Variants in ANKRD55 observed in about 807,000 individuals in gnomAD.
ANKRD55 encodes ankyrin repeat domain-containing protein 55.
In ANKRD55, 41 loss-of-function variants were observed where a neutral mutation model predicts 60.6. That is an observed-to-expected ratio of 0.68 (90% confidence interval 0.53 to 0.88). The LOEUF is 0.88. Ranked by LOEUF, ANKRD55 falls within the 40% of genes least tolerant of loss-of-function variation. ANKRD55 has a pLI of 0.00. For missense variants in ANKRD55, 732 were observed against 767.6 expected, an observed-to-expected ratio of 0.95 and a Z score of 0.55; for synonymous variants, 264 against 290.3, an observed-to-expected ratio of 0.91 and a Z score of 0.92.
chr5:56,217,760 G>A (rs1759852664), intron 2 of ANKRD55, among the ~76,000 whole-genome samples: 1 of 152,092 alleles, frequency 6.6e-6, no homozygotes, highest in African/African-American at 2.4e-5. Context: ...GCCGGGCGTG[G>A]TGGGGGGCAC....
At chr5:56,205,486 C>T (rs1759479143) in intron 2 of ANKRD55, among the ~76,000 whole-genome samples, 2 of 152,234 alleles carry the variant, frequency 1.3e-5, no homozygotes, top group Admixed American at 1.3e-4. Context: ...AGCTAGTGCG[C>T]TCCTTATCAC....
At chr5:56,118,333 C>A (rs894931455) in intron 8 of ANKRD55, among the ~76,000 whole-genome samples, 7 of 152,020 alleles carry the variant, frequency 4.6e-5, no homozygotes, top group African/African-American at 1.7e-4. Flanking sequence ...TATATAAAAT[C>A]TTTCAGAACT....
chr5:56,190,928 A>C (rs909046742), intron 2 of ANKRD55, among the ~76,000 whole-genome samples: 13 of 152,230 alleles, frequency 8.5e-5, no homozygotes, highest in Admixed American at 2.0e-4. Context: ...GTTAAATTTC[A>C]ACACAACTTT....
At chr5:56,201,039 T>C (rs1278837581) in intron 2 of ANKRD55, among the ~76,000 whole-genome samples, 1 of 152,196 alleles carries the variant, frequency 6.6e-6, no homozygotes. Flanking sequence ...AAGAAAGACA[T>C]GCCCTAGTGG....
intron 5 of ANKRD55, among the ~76,000 whole-genome samples, chr5:56,167,280 G>A (rs1256912740): frequency 6.6e-6 from 1 of 152,188 alleles, no homozygotes; most frequent in Non-Finnish European, 1.5e-5. Flanking sequence ...ATTGCTTCTA[G>A]GCTACAAATA....
At chr5:56,156,000 T>G (rs934741146) in intron 6 of ANKRD55, among the ~76,000 whole-genome samples, 1 of 152,092 alleles carries the variant, frequency 6.6e-6, no homozygotes, top group Non-Finnish European at 1.5e-5. Context: ...AAGCAAAACC[T>G]CAGGGGAAAA....
intron 3 of ANKRD55, among the ~76,000 whole-genome samples, chr5:56,178,119 C>G (rs1758775983): frequency 6.6e-6 from 1 of 152,106 alleles, no homozygotes; most frequent in Non-Finnish European, 1.5e-5. Flanking sequence ...AACCACTGTA[C>G]CTGGTACCGG....
chr5:56,208,712 C>G (rs893241630), intron 2 of ANKRD55, among the ~76,000 whole-genome samples: 1 of 152,120 alleles, frequency 6.6e-6, no homozygotes, highest in Non-Finnish European at 1.5e-5. Context: ...CGTGAGCCAC[C>G]GCGCCCAGTC....
chr5:56,171,396 T>C (rs1758608791), intron 4 of ANKRD55, among the ~76,000 whole-genome samples: 1 of 152,260 alleles, frequency 6.6e-6, no homozygotes, highest in African/African-American at 2.4e-5. Flanking sequence ...TGAAACCTGC[T>C]GTCTACAGTT....
chr5:56,230,226 C>T (rs1190406334), intron 2 of ANKRD55, among the ~76,000 whole-genome samples: 2 of 152,174 alleles, frequency 1.3e-5, no homozygotes, highest in Non-Finnish European at 2.9e-5. Flanking sequence ...TCCCGAGTAG[C>T]TGGGACTACA....
At chr5:56,124,140 T>A (rs770421203) in intron 8 of ANKRD55, among the ~76,000 whole-genome samples, 17 of 152,174 alleles carry the variant, frequency 1.1e-4, no homozygotes, top group Non-Finnish European at 2.2e-4. Flanking sequence ...CAGACTTTCC[T>A]CTCTGAAGAC....
chr5:56,123,983 C>T lies in ANKRD55; in HGVS notation c.797+2939G>A, dbSNP rs564916406. On this transcript the variant is annotated intron_variant, in intron 8 of 11. Coordinates refer to ENST00000341048, the MANE Select transcript of ANKRD55 (RefSeq NM_024669.3). ...GGAATTCAGCAGAGACAAGAGTGGG[C>T]GGATGTGGTGGCCGCTGAATGGCAG... 1.7e-4 allele frequency among the ~76,000 whole-genome samples: 26 copies of T among 152,202 alleles called. No individual in the cohort carries two copies. The South Asian group carries it at 1.9e-3, about 11-fold the overall frequency.
At chr5:56,209,742 G>A (rs1759614869) in intron 2 of ANKRD55, among the ~76,000 whole-genome samples, 1 of 152,256 alleles carries the variant, frequency 6.6e-6, no homozygotes, top group African/African-American at 2.4e-5. Flanking sequence ...TGGGATTACA[G>A]GCGTGAGCCA....
intron 2 of ANKRD55, among the ~76,000 whole-genome samples, chr5:56,200,487 C>A (rs1016177745): frequency 6.6e-6 from 1 of 152,096 alleles, no homozygotes; most frequent in African/African-American, 2.4e-5. Context: ...AGCATTAATA[C>A]TGGTATGTCA....
chr5:56,109,175 T>C (rs1756592432), intron 10 of ANKRD55, among the ~76,000 whole-genome samples: 1 of 152,182 alleles, frequency 6.6e-6, no homozygotes, highest in Non-Finnish European at 1.5e-5. Context: ...ATTTTTTCTC[T>C]TAATCCTACT....
At position 56,120,041 on chromosome 5, in the gene ANKRD55, A is replaced by ATT. The variant is rs34414624; in HGVS notation, c.798-3261_798-3260dup. Among the ~76,000 whole-genome samples, 101 of 144,274 alleles carry ATT rather than the reference A, an allele frequency of 7.0e-4. 1 individual carries two copies. Among genetic ancestry groups the ATT allele is most frequent in the Admixed American group, 1.6e-3 (23 of 14,416 alleles). The allele number at this position is 144,274 out of a possible 152,430, so 94.6% of individuals were successfully genotyped here. ...TACATAGCCAACTTTTCTCAACACC[A>ATT]TTTTTTTTTTTTTTGAGACATAGTC... is the stretch of plus-strand genomic sequence containing the variant. On this transcript the variant is annotated intron_variant, in intron 8 of 11. Coordinates refer to ENST00000341048, the MANE Select transcript of ANKRD55 (RefSeq NM_024669.3).
At chr5:56,171,265 A>G (rs1758606967) in intron 4 of ANKRD55, among the ~76,000 whole-genome samples, 1 of 152,150 alleles carries the variant, frequency 6.6e-6, no homozygotes, top group Admixed American at 6.5e-5. Flanking sequence ...TTGTTGACTG[A>G]TCTTTCTGAT....
At chr5:56,150,049 C>T (rs1399309548) in intron 6 of ANKRD55, among the ~76,000 whole-genome samples, 3 of 152,134 alleles carry the variant, frequency 2.0e-5, no homozygotes, top group African/African-American at 7.2e-5. Context: ...CCATATTGGC[C>T]AGGCTGGTCT....
chr5:56,111,170 G>T lies in ANKRD55; in HGVS notation c.1578C>A (p.His526Gln). 5.6e-6 allele frequency: 9 copies of T among 1,614,200 alleles called. No homozygotes were observed. Among genetic ancestry groups the T allele is most frequent in the Non-Finnish European group, 7.6e-6 (9 of 1,180,034 alleles). The stretch of plus-strand genomic sequence containing the variant: ...GGTGTGGTGGCACGGAGACCTCTTG[G>T]TGACCAGGCCGGACACTGAGCAATC... ...LDRLLSVRPG[H>Q]QEVSVPPHLR... Residue 526 changes from histidine (H) to glutamine (Q), a missense_variant, in exon 10 of 12, where the codon CAC becomes CAA. Transcript: ENST00000341048.
Sources: gnomAD v4.1 joint callset for allele counts (sites outside exome capture counted in the v4.1 genomes callset) on GRCh38, gnomAD v4.1.1 for gene constraint, MANE v1.5 for transcripts, NCBI Gene and HGNC (gene_info 2026-07-23, HGNC 2026-07-21) for gene names.